Variants in EXT1 observed in about 807,000 individuals in gnomAD.
EXT1 encodes the protein exostosin glycosyltransferase 1, also known as exostosin-1.
Under a neutral mutation model 82.5 loss-of-function variants are expected in EXT1, and 20 were observed. The ratio of observed to expected loss-of-function variants is 0.24; its 90% CI spans 0.17 to 0.35. The LOEUF is 0.35. EXT1 is among the 10% of genes least tolerant of loss of function. The pLI, the probability that EXT1 is intolerant of heterozygous loss-of-function variation, is 1.00. For synonymous variants in EXT1, 348 were observed against 350.8 expected, an observed-to-expected ratio of 0.99 and a Z score of 0.09; for missense variants, 757 against 936.5, an observed-to-expected ratio of 0.81 and a Z score of 2.50.
intron 1 of EXT1, among the ~76,000 whole-genome samples, chr8:117,896,981 T>G (rs1813350916): frequency 6.6e-6 from 1 of 152,226 alleles, no homozygotes; most frequent in African/African-American, 2.4e-5. Context: ...CACCCCCACT[T>G]GCTCAGCTTC....
intron 1 of EXT1, among the ~76,000 whole-genome samples, chr8:117,869,585 G>T (rs1812834761): frequency 6.6e-6 from 1 of 152,114 alleles, no homozygotes; most frequent in Non-Finnish European, 1.5e-5. Flanking sequence ...TTTTATTGAA[G>T]GATGATGTAG....
In EXT1 at chr8:117,865,274, C is replaced by T. The variant is rs1050492866; in HGVS notation, c.963-28073G>A. 7.9e-5 allele frequency among the ~76,000 whole-genome samples: 12 copies of T among 152,320 alleles called. No individual in the cohort carries two copies. The East Asian group carries it at 2.1e-3, about 27-fold the overall frequency. On this transcript the variant is annotated intron_variant, in intron 1 of 10. Transcript: ENST00000378204. ...CCTTGACCTCCCGGTCTCAAGCAAT[C>T]CTGGCACCTCAGCCTCCTGAGTAGC...
At chr8:117,881,389 G>C (rs1459987585) in intron 1 of EXT1, among the ~76,000 whole-genome samples, 1 of 152,106 alleles carries the variant, frequency 6.6e-6, no homozygotes, top group African/African-American at 2.4e-5. Context: ...TCATTTAGGA[G>C]GGCTACATAA....
chr8:118,094,048 T>C (rs1482346418), intron 1 of EXT1, among the ~76,000 whole-genome samples: 1 of 152,134 alleles, frequency 6.6e-6, no homozygotes, highest in Non-Finnish European at 1.5e-5. Context: ...AAAAGAAAAA[T>C]AGTTTTCCCT....
chr8:117,966,999 GT>G (rs1814831280), intron 1 of EXT1, among the ~76,000 whole-genome samples: 1 of 152,142 alleles, frequency 6.6e-6, no homozygotes, highest in Non-Finnish European at 1.5e-5. Flanking sequence ...CCCTAAGTAC[GT>G]TTTAAACAAA....
intron 1 of EXT1, 72 bp from the exon 2 acceptor site, chr8:117,837,273 C>A: frequency 2.4e-6 from 3 of 1,250,858 alleles, no homozygotes; most frequent in Non-Finnish European, 3.5e-6. Flanking sequence ...CATAGGTGGG[C>A]GCCCATGTGC....
At position 118,075,724 on chromosome 8, in the gene EXT1, T is replaced by C. The variant is rs554994410; in HGVS notation, c.962+34361A>G. ...GCAGTGGCATCTGCTCGGGTTCTCC[T>C]GAGGCCTCAGGAAGCTTAAGTCAAG... On this transcript the variant is annotated intron_variant, in intron 1 of 10. Transcript: ENST00000378204. Among the ~76,000 whole-genome samples the C allele has an allele frequency of 5.5e-4, 84 of 152,230 alleles. 1 individual carries two copies. Among genetic ancestry groups the C allele is most frequent in the African/African-American group, 1.9e-3 (80 of 41,530 alleles).
At chr8:117,802,653 T>G (rs894338153) in intron 10 of EXT1, among the ~76,000 whole-genome samples, 1 of 152,234 alleles carries the variant, frequency 6.6e-6, no homozygotes, top group East Asian at 1.9e-4. Flanking sequence ...TTTCTCAGAA[T>G]GTATCCTCAT....
intron 8 of EXT1, among the ~76,000 whole-genome samples, chr8:117,807,688 C>G (rs902987124): frequency 6.6e-6 from 1 of 152,066 alleles, no homozygotes; most frequent in Non-Finnish European, 1.5e-5. Context: ...TCTTTTCCCC[C>G]TTCCTCAAAG....
At chr8:117,958,047 G>C (rs140046156) in intron 1 of EXT1, among the ~76,000 whole-genome samples, 2 of 152,186 alleles carry the variant, frequency 1.3e-5, no homozygotes, top group African/African-American at 4.8e-5. Flanking sequence ...TGGAAAAGGA[G>C]GGAAGAGAAC....
intron 1 of EXT1, among the ~76,000 whole-genome samples, chr8:117,993,945 T>C (rs1815485595): frequency 6.6e-6 from 1 of 152,190 alleles, no homozygotes; most frequent in Admixed American, 6.5e-5. Flanking sequence ...TGGCTTCTTT[T>C]CCTAGATTGT....
intron 1 of EXT1, among the ~76,000 whole-genome samples, chr8:118,102,045 T>A (rs777467978): frequency 1.3e-4 from 19 of 151,278 alleles, no homozygotes; most frequent in South Asian, 4.2e-4. Context: ...GGTGGGTAGA[T>A]CACCTCAGAT....
chr8:118,009,324 G>T (rs1815847080), intron 1 of EXT1, among the ~76,000 whole-genome samples: 1 of 152,188 alleles, frequency 6.6e-6, no homozygotes, highest in African/African-American at 2.4e-5. Context: ...CTTCAGTCCT[G>T]GAAGAAACAA....
chr8:117,994,312 A>T (rs577632030), intron 1 of EXT1, among the ~76,000 whole-genome samples: 7 of 152,180 alleles, frequency 4.6e-5, no homozygotes, highest in Non-Finnish European at 8.8e-5. Flanking sequence ...GAAAATCTTC[A>T]TTAAAAGGAC....
chr8:117,829,057 C>A (rs1812053734), intron 4 of EXT1, among the ~76,000 whole-genome samples: 1 of 152,146 alleles, frequency 6.6e-6, no homozygotes, highest in South Asian at 2.1e-4. Flanking sequence ...AGTCATCACT[C>A]TTCCAGAGTG....
chr8:117,890,087 T>C (rs1813217009), intron 1 of EXT1, among the ~76,000 whole-genome samples: 1 of 152,240 alleles, frequency 6.6e-6, no homozygotes, highest in Non-Finnish European at 1.5e-5. Context: ...CAATACATAC[T>C]GTCTATGCTG....
intron 1 of EXT1, among the ~76,000 whole-genome samples, chr8:118,070,645 C>G (rs906983791): frequency 6.6e-6 from 1 of 152,076 alleles, no homozygotes; most frequent in African/African-American, 2.4e-5. Flanking sequence ...CAAACAAATT[C>G]TTTTATGACT....
intron 1 of EXT1, among the ~76,000 whole-genome samples, chr8:117,901,144 C>T (rs1016638085): frequency 3.3e-5 from 5 of 152,190 alleles, no homozygotes; most frequent in African/African-American, 1.2e-4. Context: ...AATGGGGTTA[C>T]GTTCTAAGAA....
chr8:117,925,286 T>G (rs1813931658), intron 1 of EXT1, among the ~76,000 whole-genome samples: 1 of 152,124 alleles, frequency 6.6e-6, no homozygotes, highest in African/African-American at 2.4e-5. Flanking sequence ...TTCATCTCTC[T>G]TTTCACAGCA....
Sources: gnomAD v4.1 joint callset for allele counts (sites outside exome capture counted in the v4.1 genomes callset) on GRCh38, gnomAD v4.1.1 for gene constraint, MANE v1.5 for transcripts, NCBI Gene and HGNC (gene_info 2026-07-23, HGNC 2026-07-21) for gene names.